The following CTNNA3 variants were observed in gnomAD, a reference collection of about 807,000 sequenced individuals.
CTNNA3 encodes catenin alpha 3.
A neutral mutation model predicts 95.7 loss-of-function variants in CTNNA3; 76 were observed. The observed-to-expected ratio is 0.79, with a 90% CI of 0.66 to 0.96. The LOEUF (loss-of-function observed/expected upper bound fraction) is 0.96, where lower values mean the gene tolerates loss of function less well. CTNNA3 is among the 40% of genes least tolerant of loss of function. The pLI is 0.00. For missense variants in CTNNA3, 1,191 were observed against 1,089.8 expected (o/e 1.09, Z -1.31); for synonymous variants, 431 against 374.4 (o/e 1.15, Z -1.74).
At chr10:66,552,587 A>G (rs1842253445) in intron 10 of CTNNA3, among the ~76,000 whole-genome samples, 1 of 151,626 alleles carries the variant, frequency 6.6e-6, no homozygotes, top group Non-Finnish European at 1.5e-5. Flanking sequence ...GTGAGCTTAC[A>G]TCACCATGCC....
At chr10:67,758,321 T>TACACACAC (rs377283050) in intron 1 of CTNNA3, among the ~76,000 whole-genome samples, 1 of 78,094 alleles carries the variant, frequency 1.3e-5, no homozygotes, top group Non-Finnish European at 2.9e-5. Context: ...TATAAATATA[T>TACACACAC]ATACACACAC....
chr10:66,391,052 CCAATA>C (rs202242843), intron 11 of CTNNA3, among the ~76,000 whole-genome samples: 2,531 of 151,942 alleles, frequency 0.017, 30 homozygotes, highest in Non-Finnish European at 0.025. Flanking sequence ...TTTATTCCGC[CCAATA>C]CAATAGTCAA....
chr10:67,503,896 G>C (rs545645728), intron 5 of CTNNA3, among the ~76,000 whole-genome samples: 182 of 152,282 alleles, frequency 1.2e-3, no homozygotes, highest in Non-Finnish European at 2.3e-3. Flanking sequence ...GGTGGCTCAT[G>C]CCTGTAATCC....
Position 67,500,866 on chromosome 10 carries a change from G to A in CTNNA3, c.579+20976C>T, listed in dbSNP as rs375116853. On this transcript the variant is annotated intron_variant, in intron 5 of 17. Coordinates refer to ENST00000433211, the MANE Select transcript of CTNNA3 (RefSeq NM_013266.4). The stretch of plus-strand genomic sequence containing the variant: ...CAGCACACTATGTGTGCCTCTGCAC[G>A]TGAGATGGGTCTCCTGAATACAGCA... Among the ~76,000 whole-genome samples, 19 of 152,246 alleles carry A rather than the reference G, an allele frequency of 1.2e-4. No individual in the cohort carries two copies. The East Asian group carries it at 1.5e-3, about 12-fold the overall frequency.
chr10:66,418,556 G>GACACACACACACACACACACACAC (rs57694585), intron 11 of CTNNA3, among the ~76,000 whole-genome samples: 6 of 144,492 alleles, frequency 4.2e-5, no homozygotes, highest in African/African-American at 1.6e-4. Flanking sequence ...AGCACACAGG[G>GACACACACACACACACACACACAC]ACACACACAC....
At chr10:66,573,309 T>A (rs950193374) in intron 10 of CTNNA3, among the ~76,000 whole-genome samples, 2 of 152,168 alleles carry the variant, frequency 1.3e-5, no homozygotes, top group African/African-American at 4.8e-5. Flanking sequence ...TATTTCTGAA[T>A]AAGCAAATGC....
At chr10:65,952,029 CAA>C (rs55842958) in intron 17 of CTNNA3, among the ~76,000 whole-genome samples, 11 of 99,714 alleles carry the variant, frequency 1.1e-4, no homozygotes, top group Admixed American at 3.4e-4. Flanking sequence ...GGCTCCGCCT[CAA>C]AAAAAAAAAA....
At chr10:67,612,137 G>A (rs528531613) in intron 2 of CTNNA3, among the ~76,000 whole-genome samples, 5 of 152,208 alleles carry the variant, frequency 3.3e-5, no homozygotes, top group Non-Finnish European at 7.4e-5. Flanking sequence ...AATGCCTCTA[G>A]ATAACATTCA....
intron 3 of CTNNA3, among the ~76,000 whole-genome samples, chr10:67,589,038 G>A (rs916964066): frequency 2.0e-5 from 3 of 151,832 alleles, no homozygotes; most frequent in African/African-American, 7.3e-5. Flanking sequence ...CCACAAAAAG[G>A]TTTCAATAAA....
intron 7 of CTNNA3, among the ~76,000 whole-genome samples, chr10:67,149,892 G>C (rs1295919882): frequency 2.6e-5 from 4 of 152,132 alleles, no homozygotes; most frequent in Non-Finnish European, 4.4e-5. Context: ...TTTCGAGTTT[G>C]AGAATTATAA....
At chr10:66,435,280 C>A (rs1453120212) in intron 11 of CTNNA3, among the ~76,000 whole-genome samples, 1 of 151,530 alleles carries the variant, frequency 6.6e-6, no homozygotes, top group Non-Finnish European at 1.5e-5. Context: ...TGGTCCTGGG[C>A]TTTTTTTTGG....
chr10:66,147,315 T>C lies in CTNNA3; in HGVS notation c.1885-44066A>G, dbSNP rs142055304. The stretch of plus-strand genomic sequence containing the variant: ...TTTAAAAAAAGTTTCTATTAGATTT[T>C]TAAAGTACAGCTATAATTCATGTTG... On this transcript the variant is annotated intron_variant, in intron 13 of 17. Coordinates refer to ENST00000433211, the MANE Select transcript of CTNNA3 (RefSeq NM_013266.4). 3.9e-4 allele frequency among the ~76,000 whole-genome samples: 59 copies of C among 152,278 alleles called. 2 individuals are homozygous for C. The highest frequency in any genetic ancestry group is 1.4e-3 in the African/African-American group (58 of 41,574).
At chr10:67,461,980 C>T (rs867150261) in intron 5 of CTNNA3, among the ~76,000 whole-genome samples, 1 of 152,172 alleles carries the variant, frequency 6.6e-6, no homozygotes, top group Non-Finnish European at 1.5e-5. Context: ...TTAATCACAG[C>T]TACTTATGTT....
intron 1 of CTNNA3, among the ~76,000 whole-genome samples, chr10:67,678,563 G>A (rs150281233): frequency 0.013 from 2,051 of 152,218 alleles, 49 homozygotes; most frequent in African/African-American, 0.047. Flanking sequence ...GGGGAAAATT[G>A]AACATATCAC....
At chr10:66,685,565 G>C (rs1049500530) in intron 9 of CTNNA3, among the ~76,000 whole-genome samples, 1 of 149,362 alleles carries the variant, frequency 6.7e-6, no homozygotes, top group African/African-American at 2.5e-5. Context: ...GTAGAGACAG[G>C]GTTTCACCAT....
intron 11 of CTNNA3, among the ~76,000 whole-genome samples, chr10:66,405,083 G>A (rs1297351044): frequency 1.3e-5 from 2 of 152,246 alleles, no homozygotes; most frequent in South Asian, 2.1e-4. Context: ...AAAGGATGCT[G>A]TTTCAATAGT....
chr10:67,087,214 T>C (rs1363987169), intron 7 of CTNNA3, among the ~76,000 whole-genome samples: 1 of 152,024 alleles, frequency 6.6e-6, no homozygotes, highest in Non-Finnish European at 1.5e-5. Flanking sequence ...ACATCACTTT[T>C]CATTGGCACT....
intron 7 of CTNNA3, among the ~76,000 whole-genome samples, chr10:67,023,300 AG>A (rs1853145702): frequency 6.6e-6 from 1 of 152,162 alleles, no homozygotes. Flanking sequence ...ACTGCTGAAA[AG>A]GTTCTATGTA....
chr10:66,441,803 G>C (rs114677419), intron 11 of CTNNA3, among the ~76,000 whole-genome samples: 1,617 of 152,290 alleles, frequency 0.011, 29 homozygotes, highest in African/African-American at 0.037. Context: ...TATACAAAGA[G>C]TAGATTCACA....
Sources: allele counts gnomAD v4.1 joint callset (sites outside exome capture counted in the v4.1 genomes callset), GRCh38; gene constraint gnomAD v4.1.1; transcripts MANE v1.5; gene names NCBI Gene and HGNC (gene_info 2026-07-23, HGNC 2026-07-21).